The following CEMIP2 variants were observed in gnomAD, a reference collection of about 807,000 sequenced individuals.
The protein encoded by CEMIP2 is cell surface hyaluronidase CEMIP2.
A neutral mutation model predicts 146.9 loss-of-function variants in CEMIP2; 79 were observed. The ratio of observed to expected loss-of-function variants is 0.54; its 90% CI spans 0.45 to 0.65. CEMIP2 has a LOEUF of 0.65. Ranked by LOEUF, CEMIP2 falls within the 30% of genes least tolerant of loss-of-function variation. The pLI, the probability that CEMIP2 is intolerant of heterozygous loss-of-function variation, is 0.00. For missense variants in CEMIP2, 1,596 were observed against 1,696.2 expected, an observed-to-expected ratio of 0.94 and a Z score of 1.04; for synonymous variants, 601 against 606.3, an observed-to-expected ratio of 0.99 and a Z score of 0.13.
At position 71,750,155 on chromosome 9, in the gene CEMIP2, A is replaced by C. The variant is rs1305044632; in HGVS notation, c.219T>G (p.Ser73Arg). 1.2e-5 allele frequency: 20 copies of C among 1,614,000 alleles called. No individual in the cohort carries two copies. Among genetic ancestry groups the C allele is most frequent in the Non-Finnish European group, 1.6e-5 (19 of 1,180,012 alleles). Reference sequence around the variant, plus strand: ...TATTTTTGTGTCTCTTTTGCTTTTGACTTTCTCTCTGGGCTTGCTGTTCTT... The same window carrying C: ...TATTTTTGTGTCTCTTTTGCTTTTGCCTTTCTCTCTGGGCTTGCTGTTCTT... The part of the protein sequence containing the change: ...SPEEQQAQRE[S>R]QKQKRHKNTF... The change falls in exon 2 of 24, where the codon AGT (serine) becomes AGG (arginine). Residue 73 changes from serine (S) to arginine (R), a missense_variant. Ser to Arg is a moderately radical substitution (Grantham distance 110). Transcript: ENST00000377044.
chr9:71,765,341 A>T (rs1329157272), intron 1 of CEMIP2, among the ~76,000 whole-genome samples: 1 of 152,242 alleles, frequency 6.6e-6, no homozygotes, highest in Non-Finnish European at 1.5e-5. Context: ...ATTAGCCTGT[A>T]CAGTACTTTA....
At chr9:71,708,112 G>A (rs961326280) in intron 17 of CEMIP2, among the ~76,000 whole-genome samples, 2 of 152,206 alleles carry the variant, frequency 1.3e-5, no homozygotes, top group Admixed American at 1.3e-4. Context: ...CGTGAACCCA[G>A]GAGGCGGAGC....
At chr9:71,744,241 A>G (rs1262793098) in intron 4 of CEMIP2, among the ~76,000 whole-genome samples, 1 of 152,100 alleles carries the variant, frequency 6.6e-6, no homozygotes, top group African/African-American at 2.4e-5. Flanking sequence ...CAGGTGTGGT[A>G]GCAACTGTTT....
intron 1 of CEMIP2, among the ~76,000 whole-genome samples, chr9:71,762,503 CA>C (rs58090104): frequency 5.5e-4 from 44 of 79,734 alleles, no homozygotes; most frequent in African/African-American, 2.0e-3. Flanking sequence ...GCCCCGTCAC[CA>C]AAAAAAAAAA....
chr9:71,730,450 T>TAAAA (rs1823583978), intron 8 of CEMIP2, among the ~76,000 whole-genome samples, 197 bp from the exon 9 acceptor site: 1 of 151,212 alleles, frequency 6.6e-6, no homozygotes, highest in African/African-American at 2.4e-5. Flanking sequence ...GGGAAAAAAA[T>TAAAA]AAAAATAAGT....
chr9:71,741,633 T>G (rs1436487945), intron 4 of CEMIP2, among the ~76,000 whole-genome samples: 2 of 94,566 alleles, frequency 2.1e-5, no homozygotes, highest in African/African-American at 8.1e-5. Flanking sequence ...CTTTTCTGGT[T>G]TTTTTTTTTT....
intron 10 of CEMIP2, among the ~76,000 whole-genome samples, chr9:71,727,882 G>A (rs1823437290): frequency 6.6e-6 from 1 of 152,052 alleles, no homozygotes; most frequent in Admixed American, 6.5e-5. Context: ...CCAATATGGT[G>A]AAACCCAGTC....
At chr9:71,746,551 A>G (rs1425709404) in intron 2 of CEMIP2, among the ~76,000 whole-genome samples, 1 of 144,990 alleles carries the variant, frequency 6.9e-6, no homozygotes, top group Non-Finnish European at 1.5e-5. Flanking sequence ...TTAAAGTTTT[A>G]CCACAAAACT....
intron 1 of CEMIP2, among the ~76,000 whole-genome samples, chr9:71,767,887 C>T (rs999008192): frequency 6.6e-6 from 1 of 152,186 alleles, no homozygotes; most frequent in African/African-American, 2.4e-5. Context: ...AACGCACAAG[C>T]GCGCGCGCAC....
chr9:71,695,913 T>A (rs1439532651), intron 20 of CEMIP2, among the ~76,000 whole-genome samples: 7 of 152,018 alleles, frequency 4.6e-5, no homozygotes, highest in Non-Finnish European at 1.5e-5. Context: ...CCCAGGACTT[T>A]GAGACCAGCC....
intron 20 of CEMIP2, among the ~76,000 whole-genome samples, chr9:71,696,567 T>C (rs951442306): frequency 5.3e-5 from 8 of 152,000 alleles, no homozygotes; most frequent in East Asian, 1.9e-4. Flanking sequence ...GGTCAGGAGT[T>C]AGAGACTGGC....
chr9:71,695,397 G>A (rs191059624), intron 20 of CEMIP2, among the ~76,000 whole-genome samples: 15 of 152,230 alleles, frequency 9.9e-5, no homozygotes, highest in Middle Eastern at 3.4e-3. Context: ...ACAATCAGCC[G>A]GGCATGGTAG....
At chr9:71,761,172 G>A (rs559709095) in intron 1 of CEMIP2, among the ~76,000 whole-genome samples, 3 of 152,208 alleles carry the variant, frequency 2.0e-5, no homozygotes, top group Non-Finnish European at 4.4e-5. Context: ...GACAGAGGCT[G>A]ATTTAATTAA....
intron 1 of CEMIP2, among the ~76,000 whole-genome samples, chr9:71,764,408 A>G (rs527793818): frequency 8.6e-5 from 13 of 152,040 alleles, no homozygotes; most frequent in Middle Eastern, 3.4e-3. Flanking sequence ...AAATAAGAAT[A>G]TATCTGAGAA....
intron 22 of CEMIP2, among the ~76,000 whole-genome samples, chr9:71,688,643 C>T (rs560582765): frequency 6.6e-6 from 1 of 152,256 alleles, no homozygotes; most frequent in Non-Finnish European, 1.5e-5. Flanking sequence ...CTGCCTCAGA[C>T]TCCCAAAGTG....
chr9:71,722,565 A>G, intron 11 of CEMIP2, 50 bp from the exon 12 acceptor site: 2 of 1,359,968 alleles, frequency 1.5e-6, no homozygotes, highest in Non-Finnish European at 2.1e-6. Context: ...CCAACTTACA[A>G]CAACATATAC....
At chr9:71,705,036 C>CG (rs1822694443) in intron 17 of CEMIP2, 1 of 505,334 alleles carries the variant, frequency 2.0e-6, no homozygotes, top group Admixed American at 3.3e-5. Flanking sequence ...TTCATCATCG[C>CG]TTCCACCACT....
intron 17 of CEMIP2, among the ~76,000 whole-genome samples, chr9:71,708,697 T>C (rs760045747): frequency 2.2e-4 from 34 of 152,190 alleles, no homozygotes; most frequent in Non-Finnish European, 4.9e-4. Flanking sequence ...TCAATGTATA[T>C]CATCTCCTCC....
In CEMIP2 at chr9:71,755,042, C is replaced by T. The variant is rs999412432; in HGVS notation, c.-12-4657G>A. On this transcript the variant is annotated intron_variant, in intron 1 of 23. Transcript: ENST00000377044. ...TAAATTCTTCTCTTGGGAAAAAAAA[C>T]TGGTGTATTACCTCAAAAGCAGTTC... Among the ~76,000 whole-genome samples the T allele has an allele frequency of 1.1e-4, 17 of 152,038 alleles. 1 individual carries two copies. Among genetic ancestry groups the T allele is most frequent in the Non-Finnish European group, 2.9e-5 (2 of 68,018 alleles).
Sources: gnomAD v4.1 joint callset for allele counts (sites outside exome capture counted in the v4.1 genomes callset) on GRCh38, gnomAD v4.1.1 for gene constraint, MANE v1.5 for transcripts, NCBI Gene and HGNC (gene_info 2026-07-23, HGNC 2026-07-21) for gene names.